Variants in TNXB observed in about 807,000 individuals in gnomAD.
The protein encoded by TNXB is tenascin XB.
In TNXB, 183 loss-of-function variants were observed where a neutral mutation model predicts 340.5. The ratio of observed to expected loss-of-function variants is 0.54; its 90% confidence interval spans 0.48 to 0.61. The LOEUF is 0.61. Among genes scored for constraint, TNXB ranks in the 20% least tolerant of loss-of-function variants. The pLI is 0.00. For synonymous variants in TNXB, 2,121 were observed against 2,314.5 expected (o/e 0.92, Z 2.40); for missense variants, 4,613 against 5,446.4 (o/e 0.85, Z 4.82).
intron 4 of TNXB, among the ~76,000 whole-genome samples, chr6:32,092,872 G>A (rs1780144458): frequency 6.6e-6 from 1 of 152,190 alleles, no homozygotes. Flanking sequence ...CCCAGGCTCA[G>A]AGAAGACCCA....
rs1218037087 is a variant in TNXB at position 32,085,035 on chromosome 6, TC to T, written c.3149-327del. Among the ~76,000 whole-genome samples the T allele has an allele frequency of 6.6e-6, 1 of 152,128 alleles. No individual in the cohort carries two copies. The highest frequency in any genetic ancestry group is 1.5e-5 in the Non-Finnish European group (1 of 68,030). ...TGCAGCATCAGAGCAGTCTGAAAGC[TC>T]CTCTGCCCACCTGAGCTGCTGTCTC... is the stretch of plus-strand genomic sequence containing the variant. On this transcript the variant is annotated intron_variant, in intron 7 of 43. Coordinates refer to ENST00000644971, the MANE Select transcript of TNXB (RefSeq NM_001365276.2). This position sits in a 1 kb window ranked among gnomAD's most constrained non-coding sequence, Gnocchi z 6.4.
rs1266857791 is a variant in TNXB, at chr6:32,044,196, C to G, written c.11264-67G>C. 1.5e-4 allele frequency: 196 copies of G among 1,330,640 alleles called. 26 individuals carry two copies. The highest frequency in any genetic ancestry group is 1.9e-4 in the Admixed American group (9 of 46,182). The allele number at this position is 1,330,640 out of a possible 1,614,324, so 82.4% of individuals were successfully genotyped here. On this transcript the variant is annotated intron_variant, in intron 33 of 43. Transcript: ENST00000644971. ...GAGGCTTCTCCCTACGAGTCCCCCC[C>G]TCGCCTCTGCTCCAGCACAGGCTCA...
At position 32,068,622 on chromosome 6, in the gene TNXB, T is replaced by C; in HGVS notation, c.5988A>G (p.Thr1996=). 1 of 1,613,844 alleles carries C rather than the reference T, an allele frequency of 6.2e-7. No individual in the cohort carries two copies. The highest frequency in any genetic ancestry group is 8.5e-7 in the Non-Finnish European group (1 of 1,179,830). ...GGCTGAGGGAGTCAGGGGTGGCATCTGTCACGGTCAGCTCCCCCAGGCGAG... is the reference window on the plus strand; with the variant it reads ...GGCTGAGGGAGTCAGGGGTGGCATCCGTCACGGTCAGCTCCCCCAGGCGAG... ...IKPRLGELTV[T]DATPDSLSLS... The change falls in exon 17 of 44, where the codon ACA becomes ACG. Residue 1996 remains threonine (T), a synonymous_variant. Coordinates refer to ENST00000644971, the MANE Select transcript of TNXB (RefSeq NM_001365276.2). The surrounding 1 kb of genome is among the most constrained non-coding windows in gnomAD (Gnocchi z 5.3).
chr6:32,104,196 AAATT>A (rs1193231932), intron 1 of TNXB, among the ~76,000 whole-genome samples: 1 of 152,202 alleles, frequency 6.6e-6, no homozygotes, highest in Non-Finnish European at 1.5e-5. Context: ...AATTTCTACT[AAATT>A]AATAGACCTA....
chr6:32,068,706 G>A lies in TNXB; in HGVS notation c.5904C>T (p.Val1968=), dbSNP rs1372566226. 6.2e-7 allele frequency: 1 copy of A among 1,613,002 alleles called. No homozygotes were observed. ...VGPVHVEALT[V]PEEEKPSEPP... ...GTTCTGAAGGCTTCTCCTCCTCCGG[G>A]ACTGGACAGAGACATGGAAAGAGAG... is the stretch of plus-strand genomic sequence containing the variant. Residue 1968 remains valine (V), a splice_region_variant and synonymous_variant, in exon 17 of 44, where the codon GTC becomes GTT. Transcript: ENST00000644971. This position sits in a 1 kb window ranked among gnomAD's most constrained non-coding sequence, Gnocchi z 5.3.
chr6:32,099,071 A>G (rs948941861), intron 1 of TNXB, among the ~76,000 whole-genome samples: 2 of 152,126 alleles, frequency 1.3e-5, no homozygotes, highest in Non-Finnish European at 2.9e-5. Context: ...CTATCCCAGG[A>G]CTGCTGTATA....
intron 1 of TNXB, among the ~76,000 whole-genome samples, chr6:32,107,217 T>C (rs1781027520): frequency 6.6e-6 from 1 of 152,204 alleles, no homozygotes. Flanking sequence ...AGTTGTCCAG[T>C]GCCCCTCCCC....
rs2127254476 is a variant in TNXB, at chr6:32,081,464, C to T, written c.3946G>A (p.Val1316Ile). ...PVAGDENEVT[V>I]PGLDPDRKYK... is the part of the protein sequence containing the mutation. ...TTCCGGTCGGGATCCAGGCCGGGGA[C>T]AGTAACCTCATTCTCATCCCCCGCA... Residue 1316 changes from valine (V) to isoleucine (I), a missense_variant, in exon 10 of 44, where the codon GTC becomes ATC. Coordinates refer to ENST00000644971, the MANE Select transcript of TNXB (RefSeq NM_001365276.2). The surrounding 1 kb of genome is among the most constrained non-coding windows in gnomAD (Gnocchi z 5.1). 6.3e-7 allele frequency: 1 copy of T among 1,597,060 alleles called. No individual in the cohort carries two copies. Among genetic ancestry groups the T allele is most frequent in the Non-Finnish European group, 8.5e-7 (1 of 1,171,802 alleles).
Position 32,084,834 on chromosome 6 carries a change from G to A in TNXB, c.3149-125C>T, listed in dbSNP as rs1052192287. 10 of 791,468 alleles carry A rather than the reference G, an allele frequency of 1.3e-5. 1 individual carries two copies. The South Asian group carries it at 2.6e-4, about 21-fold the overall frequency. The allele number at this position is 791,468 out of a possible 1,614,324, so 49.0% of individuals were successfully genotyped here. A position where few individuals can be genotyped will look rare whatever the true frequency, so the allele number is the denominator to read the frequency against. ...GATCCCTCCCCGGAAGACTCTATCT[G>A]CCCACCCCTCAGTGACTAGCTCTTC... On this transcript the variant is annotated intron_variant, in intron 7 of 43. Transcript: ENST00000644971. The surrounding 1 kb of genome is among the most constrained non-coding windows in gnomAD (Gnocchi z 5.5).
chr6:32,076,427 G>A (rs1157055606), intron 11 of TNXB, among the ~76,000 whole-genome samples: 2 of 152,184 alleles, frequency 1.3e-5, no homozygotes, highest in African/African-American at 2.4e-5. Flanking sequence ...CTGATAATGC[G>A]CACTGATGCC....
Position 32,096,569 on chromosome 6 carries a change from G to A in TNXB, c.1284C>T (p.Thr428=), listed in dbSNP as rs753696482. The A allele has an allele frequency of 2.5e-6, 4 of 1,586,976 alleles. No individual in the cohort carries two copies. The highest frequency in any genetic ancestry group is 2.6e-6 in the Non-Finnish European group (3 of 1,171,920). The change falls in exon 3 of 44, where the codon ACC becomes ACT. Residue 428 remains threonine, a synonymous_variant. Transcript: ENST00000644971. ...RCVCWPGYTG[T]DCGSRACPRD... ...GTGGGCAGGCGCGCGAGCCGCAATCGGTTCCAGTGTACCCCGGCCAGCACA... is the reference window on the plus strand; with the variant it reads ...GTGGGCAGGCGCGCGAGCCGCAATCAGTTCCAGTGTACCCCGGCCAGCACA...
At position 32,069,443 on chromosome 6, in the gene TNXB, G is replaced by A. The variant is rs1778615077; in HGVS notation, c.5587+110C>T. The A allele has an allele frequency of 3.0e-6, 4 of 1,312,916 alleles. No individual in the cohort carries two copies. The Admixed American group carries it at 8.5e-5, about 28-fold the overall frequency. The allele number at this position is 1,312,916 out of a possible 1,614,324, so 81.3% of individuals were successfully genotyped here. A position where few individuals can be genotyped will look rare whatever the true frequency, so the allele number is the denominator to read the frequency against. ...CTAAAGGGGCACAAGGAAACTTTCT[G>A]GATCAATGGAAATGATATAAAATGG... On this transcript the variant is annotated intron_variant, in intron 15 of 43. Transcript: ENST00000644971. This position sits in a 1 kb window ranked among gnomAD's most constrained non-coding sequence, Gnocchi z 6.2.
chr6:32,069,436 A>C lies in TNXB; in HGVS notation c.5587+117T>G. 1.6e-6 allele frequency: 2 copies of C among 1,285,086 alleles called. No homozygotes were observed. The highest frequency in any genetic ancestry group is 1.0e-6 in the Non-Finnish European group (1 of 961,920). 79.6% of individuals were successfully genotyped at this position (1,285,086 alleles called of 1,614,324 possible). On this transcript the variant is annotated intron_variant, in intron 15 of 43. Coordinates refer to ENST00000644971, the MANE Select transcript of TNXB (RefSeq NM_001365276.2). This position sits in a 1 kb window ranked among gnomAD's most constrained non-coding sequence, Gnocchi z 6.2. ...ACTGACTCTAAAGGGGCACAAGGAA[A>C]CTTTCTGGATCAATGGAAATGATAT...
chr6:32,097,096 A>G lies in TNXB; in HGVS notation c.757T>C (p.Cys253Arg), dbSNP rs1780448727. Residue 253 changes from cysteine to arginine, a missense_variant, in exon 3 of 44, where the codon TGC (cysteine) becomes CGC (arginine). Transcript: ENST00000644971. This position sits in a 1 kb window ranked among gnomAD's most constrained non-coding sequence, Gnocchi z 5.9. The stretch of plus-strand genomic sequence containing the variant: ...CCCTCACAGCGTCCCCTCTGGCTGC[A>G]ACCTCGAGGGCAGGAGCGCTGGCTG... ...DCSQRSCPRG[C>R]SQRGRCEGGR... The G allele has an allele frequency of 6.2e-7, 1 of 1,613,362 alleles. No individual in the cohort carries two copies. Among genetic ancestry groups the G allele is most frequent in the Non-Finnish European group, 8.5e-7 (1 of 1,179,652 alleles).
In TNXB at chr6:32,058,332, TGGGGCC is replaced by T; in HGVS notation, c.7545_7550del (p.Ala2516_Pro2517del). 6.2e-7 allele frequency: 1 copy of T among 1,611,670 alleles called. No individual in the cohort carries two copies. The highest frequency in any genetic ancestry group is 1.3e-5 in the African/African-American group (1 of 74,506). ...CCAGGAGAGGCTCCTCGGGGGGCCC[TGGGGCC>T]TCTGTGCCTGGTTCTGTAGGGCTGG... On this transcript the variant is annotated inframe_deletion, in exon 22 of 44. Transcript: ENST00000644971. The surrounding 1 kb of genome is among the most constrained non-coding windows in gnomAD (Gnocchi z 5.1).
At chr6:32,077,453 C>A (rs1180655918) in intron 11 of TNXB, among the ~76,000 whole-genome samples, 3 of 152,252 alleles carry the variant, frequency 2.0e-5, no homozygotes, top group Admixed American at 2.0e-4. Flanking sequence ...ATTTTTTAAT[C>A]TTTCCCCTTA....
Position 32,062,598 on chromosome 6 carries a change from G to T in TNXB, c.6842-115C>A. On this transcript the variant is annotated intron_variant, in intron 19 of 43. Coordinates refer to ENST00000644971, the MANE Select transcript of TNXB (RefSeq NM_001365276.2). The surrounding 1 kb of genome is among the most constrained non-coding windows in gnomAD (Gnocchi z 4.3). ...CACAGTCTGGATGCTGGTGCCCCAA[G>T]CTTAGAATATCATTTTTCTGCTTTG... The T allele has an allele frequency of 2.0e-6, 2 of 1,000,616 alleles. No individual in the cohort carries two copies. Among genetic ancestry groups the T allele is most frequent in the Non-Finnish European group, 2.9e-6 (2 of 701,348 alleles). The allele number at this position is 1,000,616 out of a possible 1,614,324, so 62.0% of individuals were successfully genotyped here.
chr6:32,093,119 T>C lies in TNXB; in HGVS notation c.2358+1957A>G. On this transcript the variant is annotated intron_variant, in intron 4 of 43. Coordinates refer to ENST00000644971, the MANE Select transcript of TNXB (RefSeq NM_001365276.2). ...TTATCTCAAGTGTTTATTTTAATTC[T>C]TCTTTCCCTGAAATTTCTTAAGAAA... The C allele has an allele frequency of 6.2e-6, 3 of 486,988 alleles. No homozygotes were observed. The South Asian group carries it at 1.1e-4, about 17-fold the overall frequency. The allele number at this position is 486,988 out of a possible 1,614,324, so 30.2% of individuals were successfully genotyped here. A position where few individuals can be genotyped will look rare whatever the true frequency, so the allele number is the denominator to read the frequency against.
rs752636576 is a variant in TNXB, at chr6:32,064,923, C to A, written c.6739G>T (p.Val2247Phe). Residue 2247 changes from valine to phenylalanine, a missense_variant, in exon 19 of 44, where the codon GTC (valine) becomes TTC (phenylalanine). By Grantham distance (50) the Val-to-Phe change is conservative (BLOSUM62 -1). Coordinates refer to ENST00000644971, the MANE Select transcript of TNXB (RefSeq NM_001365276.2). This position sits in a 1 kb window ranked among gnomAD's most constrained non-coding sequence, Gnocchi z 5.3. ...AVRVPGHEDGVTISGLEPDHK... is the reference protein window; with the variant it reads ...AVRVPGHEDGFTISGLEPDHK... ...TCTGGCTCCAGGCCCGAGATGGTGA[C>A]CCCATCCTCGTGTCCCGGCACCCGC... 19 of 1,612,818 alleles carry A rather than the reference C, an allele frequency of 1.2e-5. No individual in the cohort carries two copies. Among genetic ancestry groups the A allele is most frequent in the Non-Finnish European group, 1.4e-5 (17 of 1,179,886 alleles).
Sources: allele counts gnomAD v4.1 joint callset (sites outside exome capture counted in the v4.1 genomes callset), GRCh38; gene constraint gnomAD v4.1.1; non-coding constraint Gnocchi (gnomAD v3.1); transcripts MANE v1.5; gene names NCBI Gene and HGNC (gene_info 2026-07-23, HGNC 2026-07-21).